The following UHRF2 variants were observed in gnomAD, a reference collection of about 807,000 sequenced individuals.
The protein encoded by UHRF2 is E3 ubiquitin-protein ligase UHRF2.
In UHRF2, 23 loss-of-function variants were observed where a neutral mutation model predicts 96.8. The observed-to-expected ratio is 0.24, with a 90% CI of 0.17 to 0.34. The LOEUF (loss-of-function observed/expected upper bound fraction) is 0.34. UHRF2 is among the 10% of genes least tolerant of loss of function. UHRF2 has a pLI of 1.00. For missense variants in UHRF2, 685 were observed against 981.5 expected, an observed-to-expected ratio of 0.70 and a Z score of 4.04; for synonymous variants, 385 against 332.6, an observed-to-expected ratio of 1.16 and a Z score of -1.72.
chr9:6,484,350 A>G (rs866640633), intron 8 of UHRF2, among the ~76,000 whole-genome samples: 1 of 151,972 alleles, frequency 6.6e-6, no homozygotes, highest in South Asian at 2.1e-4. Context: ...CACTGGGATT[A>G]TAGGCTTAGT....
intron 2 of UHRF2, among the ~76,000 whole-genome samples, chr9:6,424,468 TA>T (rs1820125563): frequency 6.6e-6 from 1 of 152,240 alleles, no homozygotes; most frequent in East Asian, 1.9e-4. Context: ...CAATACTTAA[TA>T]CATTTTTTAC....
intron 3 of UHRF2, among the ~76,000 whole-genome samples, chr9:6,448,615 A>G (rs12351293): frequency 0.21 from 32,597 of 152,222 alleles, 3,939 homozygotes; most frequent in African/African-American, 0.31. Flanking sequence ...GTTAGTAATT[A>G]TAAGAGGAGG....
intron 2 of UHRF2, among the ~76,000 whole-genome samples, chr9:6,429,730 G>A (rs971141688): frequency 1.2e-4 from 18 of 152,152 alleles, no homozygotes; most frequent in Non-Finnish European, 1.5e-5. Context: ...GGGTTGGCAC[G>A]TTACATGAAT....
At chr9:6,461,828 C>T (rs1013730911) in intron 4 of UHRF2, among the ~76,000 whole-genome samples, 1 of 152,004 alleles carries the variant, frequency 6.6e-6, no homozygotes, top group Admixed American at 6.5e-5. Flanking sequence ...TCACTAATTT[C>T]CTTTTTAATA....
At chr9:6,419,531 T>A (rs970289301) in intron 1 of UHRF2, among the ~76,000 whole-genome samples, 3 of 152,186 alleles carry the variant, frequency 2.0e-5, no homozygotes, top group African/African-American at 7.2e-5. Flanking sequence ...CATATTTGAC[T>A]TAATGTGTTT....
rs373027120 is a variant in UHRF2 at position 6,499,828 on chromosome 9, C to T, written c.1909-7C>T. 27 of 1,599,090 alleles carry T rather than the reference C, an allele frequency of 1.7e-5. No homozygotes were observed. The East Asian group carries it at 3.6e-4, about 21-fold the overall frequency. On this transcript the variant is annotated splice_region_variant and splice_polypyrimidine_tract_variant and intron_variant, in intron 12 of 15. Transcript: ENST00000276893. ...GCATTGTACTCTCCCTCCTCCCCCC[C>T]CATCAGTATCCAGCAGGTTACCCTT...
At chr9:6,443,269 AAC>A (rs1379929372) in intron 3 of UHRF2, among the ~76,000 whole-genome samples, 2 of 152,248 alleles carry the variant, frequency 1.3e-5, no homozygotes, top group African/African-American at 2.4e-5. Context: ...TTGTTAAAAT[AAC>A]ACAGTGTGCC....
In UHRF2 at chr9:6,470,048, A is replaced by G. The variant is rs368033475; in HGVS notation, c.864-5343A>G. Among the ~76,000 whole-genome samples the G allele has an allele frequency of 2.9e-4, 44 of 152,302 alleles. 1 individual carries two copies. The South Asian group carries it at 8.9e-3, about 31-fold the overall frequency. On this transcript the variant is annotated intron_variant, in intron 4 of 15. Transcript: ENST00000276893. ...TTAGAAGCAATTTAAGCTAGGAGAC[A>G]GTGGAATGGCATGTGAAAATACTAA...
chr9:6,473,785 A>T (rs551669674), intron 4 of UHRF2, among the ~76,000 whole-genome samples: 5 of 152,262 alleles, frequency 3.3e-5, no homozygotes, highest in Admixed American at 1.3e-4. Context: ...ATCAGATGGC[A>T]TAACTAAGTT....
At chr9:6,439,410 G>A (rs1325468304) in intron 3 of UHRF2, among the ~76,000 whole-genome samples, 1 of 152,202 alleles carries the variant, frequency 6.6e-6, no homozygotes, top group African/African-American at 2.4e-5. Context: ...CTGACCTCAA[G>A]CCTCAGTTTT....
chr9:6,469,731 T>C (rs1460903081), intron 4 of UHRF2, among the ~76,000 whole-genome samples: 1 of 112,354 alleles, frequency 8.9e-6, no homozygotes, highest in East Asian at 2.6e-4. Context: ...TGTGCATATA[T>C]ACGTGTATAT....
chr9:6,486,877 T>C lies in UHRF2; in HGVS notation c.1449T>C (p.Asn483=). The change falls in exon 9 of 16, where the codon AAT becomes AAC. Residue 483 remains asparagine, a synonymous_variant. Transcript: ENST00000276893. ...PHVGGIHGRS[N]DGAYSLVLAG... is the part of the protein sequence containing the mutation. The stretch of plus-strand genomic sequence containing the variant: ...TTGGTGGAATTCATGGTCGAAGTAA[T>C]GATGGGGCTTATTCTCTTGTACTGG... 10 of 1,614,152 alleles carry C rather than the reference T, an allele frequency of 6.2e-6. No individual in the cohort carries two copies. The highest frequency in any genetic ancestry group is 1.6e-4 in the Middle Eastern group (1 of 6,062).
chr9:6,470,087 C>T (rs899907651), intron 4 of UHRF2, among the ~76,000 whole-genome samples: 4 of 151,982 alleles, frequency 2.6e-5, no homozygotes, highest in Middle Eastern at 3.2e-3. Context: ...AAAAACATTC[C>T]CAGCTGGGCG....
intron 2 of UHRF2, among the ~76,000 whole-genome samples, chr9:6,426,655 A>G (rs753280879): frequency 1.3e-5 from 2 of 152,214 alleles, no homozygotes; most frequent in African/African-American, 2.4e-5. Flanking sequence ...TGTAATCGGT[A>G]TTCTGCCTTC....
intron 6 of UHRF2, among the ~76,000 whole-genome samples, chr9:6,478,416 T>C: frequency 6.6e-6 from 1 of 152,186 alleles, no homozygotes; most frequent in African/African-American, 2.4e-5. Flanking sequence ...TAATAGTACT[T>C]AATATTTACT....
At chr9:6,500,989 C>G (rs1026625866) in intron 14 of UHRF2, among the ~76,000 whole-genome samples, 1 of 152,132 alleles carries the variant, frequency 6.6e-6, no homozygotes, top group Non-Finnish European at 1.5e-5. Context: ...TGTGAAACAT[C>G]GTCATTTTAA....
chr9:6,497,424 C>A, intron 11 of UHRF2, 64 bp downstream of exon 11: 3 of 1,574,108 alleles, frequency 1.9e-6, no homozygotes, highest in Non-Finnish European at 2.6e-6. Flanking sequence ...AGGGTTGTTG[C>A]AAGGAACTAC....
At chr9:6,455,573 A>G (rs1444592483) in intron 3 of UHRF2, among the ~76,000 whole-genome samples, 3 of 152,036 alleles carry the variant, frequency 2.0e-5, no homozygotes, top group Non-Finnish European at 4.4e-5. Context: ...AGTCTTTGCT[A>G]TTGTGAATAG....
Position 6,460,458 on chromosome 9 carries a change from C to G in UHRF2, c.645-115C>G, listed in dbSNP as rs2295844. 8 of 839,630 alleles carry G rather than the reference C, an allele frequency of 9.5e-6. No homozygotes were observed. The East Asian group carries it at 2.1e-4, about 22-fold the overall frequency. 52.0% of individuals were successfully genotyped at this position (839,630 alleles called of 1,614,324 possible). A position where few individuals can be genotyped will look rare whatever the true frequency, so the allele number is the denominator to read the frequency against. On this transcript the variant is annotated intron_variant, in intron 3 of 15. Transcript: ENST00000276893. ...ACCTGCTATTTAAGGACACTTCAACCTATTTTACTCTTTCTCTTAGATGAT... is the reference window on the plus strand; with the variant it reads ...ACCTGCTATTTAAGGACACTTCAACGTATTTTACTCTTTCTCTTAGATGAT...
Sources: allele counts gnomAD v4.1 joint callset (sites outside exome capture counted in the v4.1 genomes callset), GRCh38; gene constraint gnomAD v4.1.1; transcripts MANE v1.5; gene names NCBI Gene and HGNC (gene_info 2026-07-23, HGNC 2026-07-21).